The following ZNF433 variants were observed in gnomAD, a reference collection of about 807,000 sequenced individuals.
The protein encoded by ZNF433 is zinc finger protein 433.
Under a neutral mutation model 10.6 loss-of-function variants are expected in ZNF433, and 12 were observed. The ratio of observed to expected loss-of-function variants is 1.13; its 90% CI spans 0.72 to 1.83. The LOEUF is 1.83. Among genes scored for constraint, ZNF433 ranks in the 40% most tolerant of loss-of-function variants. The pLI is 0.00. For missense variants in ZNF433, 737 were observed against 798.0 expected (o/e 0.92, Z 0.92); for synonymous variants, 272 against 271.3 (o/e 1.00, Z -0.02).
chr19:12,026,759 G>A (rs1369676123), intron 1 of ZNF433: 3 of 454,028 alleles, frequency 6.6e-6, no homozygotes, highest in African/African-American at 2.0e-5. Context: ...TTCCTATGGA[G>A]TCATTATTGA....
intron 1 of ZNF433, among the ~76,000 whole-genome samples, chr19:12,031,303 A>AAC (rs1286889539): frequency 6.3e-5 from 9 of 143,294 alleles, no homozygotes; most frequent in African/African-American, 2.3e-4. Context: ...TCAAAAAAAA[A>AAC]AAAAAAACAA....
In ZNF433 at chr19:12,015,005, T is replaced by C; in HGVS notation, c.1853A>G (p.Lys618Arg). 1 of 1,614,054 alleles carries C rather than the reference T, an allele frequency of 6.2e-7. No homozygotes were observed. The highest frequency in any genetic ancestry group is 8.5e-7 in the Non-Finnish European group (1 of 1,179,966). ...ACATCCAAAAGCTTTCCCACATTGC[T>C]TACATTTATACGGTTTCTCTCCAGT... ...THTGEKPYKC[K>R]QCGKAFGCPS... Residue 618 changes from lysine (K) to arginine (R), a missense_variant, in exon 4 of 4, where the codon AAG (lysine) becomes AGG (arginine). Physicochemically the swap from Lys to Arg is conservative, Grantham distance 26. Transcript: ENST00000550507.
chr19:12,026,800 T>C (rs1416997298), intron 1 of ZNF433: 1 of 454,012 alleles, frequency 2.2e-6, no homozygotes, highest in Non-Finnish European at 4.4e-6. Flanking sequence ...TTAGCTTGAA[T>C]TGCACCTCTC....
At chr19:12,025,971 G>T (rs746433825) in intron 1 of ZNF433, 1 of 152,406 alleles carries the variant, frequency 6.6e-6, no homozygotes, top group African/African-American at 2.4e-5. Context: ...GGGAAACAGG[G>T]ACTACAGGAC....
In ZNF433 at chr19:12,035,530, C is replaced by A. The variant is rs376722663; in HGVS notation, c.3+7G>T. 3.8e-6 allele frequency: 6 copies of A among 1,573,002 alleles called. No homozygotes were observed. The highest frequency in any genetic ancestry group is 2.3e-5 in the South Asian group (2 of 85,560). ...CCCGCCTCGGGACCCCTGGCCCGCACGCTCACCATTTCTTGCCTTTCAGGT... is the reference window on the plus strand; with the variant it reads ...CCCGCCTCGGGACCCCTGGCCCGCAAGCTCACCATTTCTTGCCTTTCAGGT... On this transcript the variant is annotated splice_region_variant and intron_variant, in intron 1 of 3. Coordinates refer to ENST00000550507, the MANE Select transcript of ZNF433 (RefSeq NM_001308348.2).
In ZNF433 at chr19:12,022,822, C is replaced by A. The variant is rs190968813; in HGVS notation, c.4-4530G>T. Among the ~76,000 whole-genome samples, 19 of 152,294 alleles carry A rather than the reference C, an allele frequency of 1.2e-4. No homozygotes were observed. The East Asian group carries it at 3.5e-3, about 28-fold the overall frequency. Reference sequence around the variant, plus strand: ...CATCCCTACCCTTCTGCACCCCCTCCTTATTTTGAAGAAAAAGAGTGGCCT... The same window carrying A: ...CATCCCTACCCTTCTGCACCCCCTCATTATTTTGAAGAAAAAGAGTGGCCT... On this transcript the variant is annotated intron_variant, in intron 1 of 3. Transcript: ENST00000550507.
At chr19:12,023,642 C>T (rs1974602505) in intron 1 of ZNF433, 1 of 152,148 alleles carries the variant, frequency 6.6e-6, no homozygotes, top group Admixed American at 6.5e-5. Context: ...CACTGGCTGT[C>T]CGCATGGCCA....
chr19:12,031,327 A>C (rs924147319), intron 1 of ZNF433, among the ~76,000 whole-genome samples: 21 of 147,516 alleles, frequency 1.4e-4, no homozygotes, highest in African/African-American at 5.2e-4. Flanking sequence ...AAAAAAAAAA[A>C]CAAAGCAGCT....
chr19:12,019,160 C>T (rs1234963155), intron 1 of ZNF433, among the ~76,000 whole-genome samples: 4 of 151,938 alleles, frequency 2.6e-5, no homozygotes, highest in Non-Finnish European at 4.4e-5. Context: ...GTGGCTCATG[C>T]CTGTAACCCC....
intron 1 of ZNF433, chr19:12,025,955 A>C (rs908665953): frequency 2.6e-5 from 4 of 152,596 alleles, no homozygotes; most frequent in African/African-American, 9.6e-5. Context: ...TGCAAAAGCA[A>C]AAAGGGGGAA....
Position 12,015,562 on chromosome 19 carries a change from T to A in ZNF433, c.1296A>T (p.Ser432=), listed in dbSNP as rs1211265667. 4.3e-6 allele frequency: 7 copies of A among 1,612,600 alleles called. No homozygotes were observed. Among genetic ancestry groups the A allele is most frequent in the East Asian group, 2.2e-5 (1 of 44,718 alleles). The change falls in exon 4 of 4, where the codon TCA becomes TCT. Residue 432 remains serine, a synonymous_variant. Transcript: ENST00000550507. ...GAGTCCTACCATGTGTTTGAAGGAG[T>A]GAGGCAGATCTGAAGGCTTTCCCAC... ...KQCGKAFRSA[S]LLQTHGRTHT...
chr19:12,031,917 A>G (rs373338583), intron 1 of ZNF433, among the ~76,000 whole-genome samples: 1 of 148,494 alleles, frequency 6.7e-6, no homozygotes, highest in South Asian at 2.1e-4. Flanking sequence ...CCTGCAAAGA[A>G]CTGTTTTTTT....
intron 1 of ZNF433, chr19:12,025,611 G>C (rs1012146769): frequency 6.6e-6 from 1 of 152,232 alleles, no homozygotes; most frequent in African/African-American, 2.4e-5. Flanking sequence ...TCAAGGATTG[G>C]AACCTAATTC....
chr19:12,027,631 A>G (rs1974803942), intron 1 of ZNF433, among the ~76,000 whole-genome samples: 1 of 152,242 alleles, frequency 6.6e-6, no homozygotes, highest in Non-Finnish European at 1.5e-5. Flanking sequence ...TCTATAATCT[A>G]CAGAAACAAT....
At position 12,015,432 on chromosome 19, in the gene ZNF433, C is replaced by T; in HGVS notation, c.1426G>A (p.Glu476Lys). 6.2e-7 allele frequency: 1 copy of T among 1,614,012 alleles called. No homozygotes were observed. Among genetic ancestry groups the T allele is most frequent in the Non-Finnish European group, 8.5e-7 (1 of 1,179,944 alleles). The stretch of plus-strand genomic sequence containing the variant: ...AATGTTTTCCCATAACCCTTACATT[C>T]ATACGGCTTCTCTTCTCTGTGCATC... ...ERMHREEKPY[E>K]CKGYGKTFSL... is the part of the protein sequence containing the mutation. Residue 476 changes from glutamate to lysine, a missense_variant, in exon 4 of 4, where the codon GAA becomes AAA. Physicochemically the swap from Glu to Lys is moderately conservative, Grantham distance 56 (BLOSUM62 1). Transcript: ENST00000550507.
chr19:12,017,508 G>C (rs1974269599), intron 3 of ZNF433, among the ~76,000 whole-genome samples: 1 of 152,012 alleles, frequency 6.6e-6, no homozygotes, highest in African/African-American at 2.4e-5. Flanking sequence ...TGGCGTCTCT[G>C]AGTACTATTT....
intron 1 of ZNF433, among the ~76,000 whole-genome samples, chr19:12,029,547 A>C (rs1046817315): frequency 7.0e-6 from 1 of 143,338 alleles, no homozygotes; most frequent in Non-Finnish European, 1.5e-5. Context: ...AAAAAAAAAA[A>C]AAGCCAGGAT....
intron 1 of ZNF433, chr19:12,030,314 A>T (rs1490815927): frequency 3.7e-6 from 1 of 271,582 alleles, no homozygotes; most frequent in Non-Finnish European, 7.2e-6. Flanking sequence ...TCTGCCTCCC[A>T]GGTTGAAGTG....
At position 12,016,098 on chromosome 19, in the gene ZNF433, T is replaced by C. The variant is rs766988657; in HGVS notation, c.760A>G (p.Asn254Asp). The C allele has an allele frequency of 1.2e-6, 2 of 1,614,168 alleles. No homozygotes were observed. The highest frequency in any genetic ancestry group is 2.2e-5 in the South Asian group (2 of 91,062). The change falls in exon 4 of 4, where the codon AAT (asparagine) becomes GAT (aspartate). Residue 254 changes from asparagine (N) to aspartate (D), a missense_variant. Physicochemically the swap from Asn to Asp is conservative, Grantham distance 23. Coordinates refer to ENST00000550507, the MANE Select transcript of ZNF433 (RefSeq NM_001308348.2). ...THTGEKPYKCNECGKAFHSST... is the reference protein window; with the variant it reads ...THTGEKPYKCDECGKAFHSST... ...CTATGGAATGCTTTCCCACATTCAT[T>C]ACATTTATAAGGCTTCTCCCCAGTG...
Sources: allele counts gnomAD v4.1 joint callset (sites outside exome capture counted in the v4.1 genomes callset), GRCh38; gene constraint gnomAD v4.1.1; transcripts MANE v1.5; gene names NCBI Gene and HGNC (gene_info 2026-07-23, HGNC 2026-07-21).